Variants in PTPRM observed in about 807,000 individuals in gnomAD.
PTPRM encodes the protein protein tyrosine phosphatase receptor type M, also known as receptor-type tyrosine-protein phosphatase mu.
In PTPRM, 47 loss-of-function variants were observed where a neutral mutation model predicts 186.7. The observed-to-expected ratio is 0.25, with a 90% CI of 0.20 to 0.32. The LOEUF is 0.32. PTPRM is among the 10% of genes least tolerant of loss of function. The pLI is 1.00. For synonymous variants in PTPRM, 668 were observed against 674.9 expected, an observed-to-expected ratio of 0.99 and a Z score of 0.16; for missense variants, 1,494 against 1,865.0, an observed-to-expected ratio of 0.80 and a Z score of 3.66.
At chr18:8,268,577 TA>T (rs768365985) in intron 19 of PTPRM, among the ~76,000 whole-genome samples, 88 of 152,188 alleles carry the variant, frequency 5.8e-4, no homozygotes, top group Middle Eastern at 6.8e-3. Flanking sequence ...AAACTCATTT[TA>T]CAAGGCCGAT....
chr18:8,074,744 G>A (rs2089701216), intron 8 of PTPRM, among the ~76,000 whole-genome samples: 1 of 152,018 alleles, frequency 6.6e-6, no homozygotes. Flanking sequence ...ATTTCTAATT[G>A]TACTATTTGT....
chr18:8,021,907 A>C (rs1025905051), intron 7 of PTPRM, among the ~76,000 whole-genome samples: 6 of 152,110 alleles, frequency 3.9e-5, no homozygotes, highest in African/African-American at 1.4e-4. Context: ...CATCTCAGTA[A>C]ATTTAGACTA....
chr18:7,746,374 A>G (rs1371691224), intron 1 of PTPRM, among the ~76,000 whole-genome samples: 4 of 152,204 alleles, frequency 2.6e-5, no homozygotes, highest in African/African-American at 7.2e-5. Context: ...CCAATGTAGA[A>G]TTCTATATCT....
At chr18:8,126,181 G>C (rs2092358991) in intron 13 of PTPRM, among the ~76,000 whole-genome samples, 2 of 150,424 alleles carry the variant, frequency 1.3e-5, no homozygotes, top group South Asian at 4.2e-4. Context: ...ATGACTGAAT[G>C]AATAACAGTT....
chr18:7,663,928 G>C (rs1031877208), intron 1 of PTPRM, among the ~76,000 whole-genome samples: 6 of 152,140 alleles, frequency 3.9e-5, no homozygotes, highest in African/African-American at 1.4e-4. Flanking sequence ...TCATGCCTTA[G>C]CTCTGAGTGG....
intron 7 of PTPRM, among the ~76,000 whole-genome samples, chr18:7,956,610 G>A (rs906539113): frequency 3.9e-5 from 6 of 152,174 alleles, no homozygotes; most frequent in African/African-American, 1.4e-4. Context: ...TGGCACCTTT[G>A]TGCAGGCAGT....
At position 8,023,862 on chromosome 18, in the gene PTPRM, A is replaced by G. The variant is rs1364282721; in HGVS notation, c.1133-45824A>G. On this transcript the variant is annotated intron_variant, in intron 7 of 32. Coordinates refer to ENST00000580170, the MANE Select transcript of PTPRM (RefSeq NM_001105244.2). ...CACACACACACACACACACACACAC[A>G]CACACACACGCACACCCCTCCTATG... Among the ~76,000 whole-genome samples the G allele has an allele frequency of 3.1e-3, 437 of 142,902 alleles. 2 individuals carry two copies. Among genetic ancestry groups the G allele is most frequent in the African/African-American group, 0.011 (414 of 38,720 alleles). The allele number at this position is 142,902 out of a possible 152,430, so 93.7% of individuals were successfully genotyped here. A position where few individuals can be genotyped will look rare whatever the true frequency, so the allele number is the denominator to read the frequency against.
intron 1 of PTPRM, among the ~76,000 whole-genome samples, chr18:7,667,392 A>G (rs572621498): frequency 1.3e-3 from 200 of 152,208 alleles, no homozygotes; most frequent in Non-Finnish European, 2.5e-3. Flanking sequence ...GACAATTTTA[A>G]TATTAAATGG....
intron 23 of PTPRM, among the ~76,000 whole-genome samples, chr18:8,345,370 GAAAT>G (rs889524050): frequency 3.3e-5 from 5 of 152,080 alleles, no homozygotes; most frequent in African/African-American, 1.2e-4. Flanking sequence ...CAACAGATCA[GAAAT>G]AAATAGAGAA....
chr18:7,859,252 T>C (rs1350654594), intron 2 of PTPRM, among the ~76,000 whole-genome samples: 2 of 152,220 alleles, frequency 1.3e-5, no homozygotes, highest in African/African-American at 4.8e-5. Context: ...TATGTTGTGC[T>C]GGACCCAGTT....
At chr18:7,717,586 C>T (rs1344812353) in intron 1 of PTPRM, among the ~76,000 whole-genome samples, 1 of 152,214 alleles carries the variant, frequency 6.6e-6, no homozygotes, top group Non-Finnish European at 1.5e-5. Context: ...AGTTCATTGC[C>T]TTCACTGGCA....
In PTPRM at chr18:7,888,149, G is replaced by A. The variant is rs765602674; in HGVS notation, c.240G>A (p.Gln80=). Residue 80 remains glutamine, a synonymous_variant, in exon 3 of 33, where the codon CAG becomes CAA. Transcript: ENST00000580170. ...LVNASGRPEG[Q]RAHLLLPQLK... ...ATGCCTCTGGGAGACCTGAGGGGCA[G>A]AGAGCCCACCTGCTCTTACCCCAAC... 3.0e-5 allele frequency: 48 copies of A among 1,614,018 alleles called. No homozygotes were observed. The highest frequency in any genetic ancestry group is 3.7e-5 in the Non-Finnish European group (44 of 1,180,020).
At chr18:7,743,131 A>G (rs376447123) in intron 1 of PTPRM, among the ~76,000 whole-genome samples, 1 of 152,344 alleles carries the variant, frequency 6.6e-6, no homozygotes. Context: ...TGTTCTCAAT[A>G]GAAAGGAAAA....
intron 5 of PTPRM, among the ~76,000 whole-genome samples, chr18:7,940,688 G>A (rs546710260): frequency 2.0e-5 from 3 of 152,102 alleles, no homozygotes; most frequent in South Asian, 4.2e-4. Context: ...GTGCCTTCTC[G>A]GTGGTCGTTC....
Position 7,835,845 on chromosome 18 carries a change from T to TTTTTG in PTPRM, c.197-52231_197-52227dup, listed in dbSNP as rs201053851. On this transcript the variant is annotated intron_variant, in intron 2 of 32. Transcript: ENST00000580170. ...TGACCTTCTTTGTCTCTTAAAGTTT[T>TTTTTG]TTTTGTTTTGTTTTGTTTTGTTTTG... 4.4e-3 allele frequency among the ~76,000 whole-genome samples: 670 copies of TTTTTG among 151,776 alleles called. 7 individuals are homozygous for TTTTTG. The highest frequency in any genetic ancestry group is 0.021 in the South Asian group (102 of 4,808).
At chr18:7,975,282 C>A (rs1307622699) in intron 7 of PTPRM, among the ~76,000 whole-genome samples, 1 of 152,210 alleles carries the variant, frequency 6.6e-6, no homozygotes, top group Non-Finnish European at 1.5e-5. Flanking sequence ...CCCAAAGGAA[C>A]TTCAGACTTA....
intron 2 of PTPRM, among the ~76,000 whole-genome samples, chr18:7,838,014 A>T (rs1598978576): frequency 6.6e-6 from 1 of 152,154 alleles, no homozygotes; most frequent in East Asian, 1.9e-4. Context: ...TGATCCCAGT[A>T]ACTCTGTGGT....
rs116771782 is a variant in PTPRM, at chr18:8,022,683, C to T, written c.1133-47003C>T. Among the ~76,000 whole-genome samples, 440 of 152,116 alleles carry T rather than the reference C, an allele frequency of 2.9e-3. 7 individuals carry two copies. Among genetic ancestry groups the T allele is most frequent in the African/African-American group, 1.0e-2 (414 of 41,498 alleles). ...AACTGCGCTCCTATTGATCTAGGTC[C>T]GTCTGTAACTTCCTCCAAGGTGCAC... On this transcript the variant is annotated intron_variant, in intron 7 of 32. Transcript: ENST00000580170.
chr18:8,179,132 G>A (rs977528647), intron 14 of PTPRM, among the ~76,000 whole-genome samples: 2 of 152,160 alleles, frequency 1.3e-5, no homozygotes, highest in Non-Finnish European at 2.9e-5. Context: ...CAAAGCCTTG[G>A]TAAAACAACC....
Sources: allele counts gnomAD v4.1 joint callset (sites outside exome capture counted in the v4.1 genomes callset), GRCh38; gene constraint gnomAD v4.1.1; transcripts MANE v1.5; gene names NCBI Gene and HGNC (gene_info 2026-07-23, HGNC 2026-07-21).